The following MYO16 variants were observed in gnomAD, a reference collection of about 807,000 sequenced individuals.
MYO16 encodes myosin XVI.
In MYO16, 94 loss-of-function variants were observed where a neutral mutation model predicts 205.3. The ratio of observed to expected loss-of-function variants is 0.46; its 90% CI spans 0.39 to 0.54. MYO16 has a LOEUF of 0.54. Among genes scored for constraint, MYO16 ranks in the 20% least tolerant of loss-of-function variants. The probability of loss-of-function intolerance (pLI) is 0.00; values close to 1 mark genes in which losing one functional copy is unlikely to be tolerated. For synonymous variants in MYO16, 988 were observed against 954.0 expected, an observed-to-expected ratio of 1.04 and a Z score of -0.66; for missense variants, 2,315 against 2,387.5, an observed-to-expected ratio of 0.97 and a Z score of 0.63.
chr13:108,791,615 G>A (rs901895846), intron 5 of MYO16, among the ~76,000 whole-genome samples: 1 of 152,190 alleles, frequency 6.6e-6, no homozygotes, highest in African/African-American at 2.4e-5. Flanking sequence ...ACCCAAGCAG[G>A]TTGAGTCCAG....
At chr13:108,655,572 G>A (rs754241474) in intron 1 of MYO16, among the ~76,000 whole-genome samples, 1 of 152,160 alleles carries the variant, frequency 6.6e-6, no homozygotes, top group Admixed American at 6.5e-5. Flanking sequence ...TTTGGGAAGA[G>A]AGCCACCATC....
chr13:109,150,649 G>T (rs899325861), intron 32 of MYO16, among the ~76,000 whole-genome samples: 2 of 152,270 alleles, frequency 1.3e-5, no homozygotes, highest in South Asian at 2.1e-4. Context: ...TTACAACCGG[G>T]ATGCTCTATA....
At chr13:108,564,670 C>T in the MYO16 span, among the ~76,000 whole-genome samples, 2 of 152,058 alleles carry the variant, frequency 1.3e-5, no homozygotes, top group South Asian at 4.1e-4. Flanking sequence ...ATCCTATTTG[C>T]CCATTTTTGC....
At chr13:109,164,845 A>C (rs1439251856) in intron 32 of MYO16, 56 bp from the exon 33 acceptor site, 1 of 882,242 alleles carries the variant, frequency 1.1e-6, no homozygotes, top group Non-Finnish European at 1.6e-6. Context: ...TGTTTTATTC[A>C]GTATATTCAG....
the MYO16 span, among the ~76,000 whole-genome samples, chr13:108,499,028 A>G: frequency 1.3e-5 from 2 of 152,046 alleles, no homozygotes; most frequent in African/African-American, 4.8e-5. Flanking sequence ...ATTTAAGTCT[A>G]TTTTCATCTT....
In MYO16 at chr13:109,140,218, G is replaced by T. The variant is rs1594118232; in HGVS notation, c.4052-46G>T. On this transcript the variant is annotated intron_variant, in intron 31 of 34. Transcript: ENST00000457511. This position sits in a 1 kb window ranked among gnomAD's most constrained non-coding sequence, Gnocchi z 8.0. ...CGAGCCCCGGGCTTGGTGGGCACCC[G>T]TGGGCCTGGCCTGGCACCCACTGAC... The T allele has an allele frequency of 1.3e-6, 2 of 1,586,920 alleles. No homozygotes were observed. Among genetic ancestry groups the T allele is most frequent in the South Asian group, 1.1e-5 (1 of 90,206 alleles).
chr13:108,666,030 A>G lies in MYO16; in HGVS notation c.173A>G (p.Lys58Arg). Residue 58 changes from lysine to arginine, a missense_variant, in exon 2 of 35, where the codon AAG (lysine) becomes AGG (arginine). By Grantham distance (26) the Lys-to-Arg change is conservative (BLOSUM62 2). This residue lies in a region of MYO16 where 1,213 missense variants were observed against 1,274.4 expected (regional missense o/e 0.95). Transcript: ENST00000457511. The stretch of plus-strand genomic sequence containing the variant: ...ATCAAAGCCTACTATGAGCGCGAGA[A>G]GGCTTTTCAGAAGCAGGAAGGGTTC... ...EQIKAYYERE[K>R]AFQKQEGFLK... The G allele has an allele frequency of 6.2e-7, 1 of 1,614,176 alleles. No individual in the cohort carries two copies. Among genetic ancestry groups the G allele is most frequent in the African/African-American group, 1.3e-5 (1 of 75,054 alleles).
intron 31 of MYO16, among the ~76,000 whole-genome samples, chr13:109,129,513 T>A (rs745884658): frequency 3.3e-5 from 5 of 152,118 alleles, no homozygotes; most frequent in Non-Finnish European, 1.5e-5. Flanking sequence ...ACCAGCACCC[T>A]CCCTGAGAAA....
chr13:109,112,298 G>A (rs1056331491), intron 28 of MYO16, among the ~76,000 whole-genome samples: 1 of 152,124 alleles, frequency 6.6e-6, no homozygotes, highest in Non-Finnish European at 1.5e-5. Context: ...AGCAGATAAA[G>A]GAGAGATGAT....
upstream of MYO16, among the ~76,000 whole-genome samples, chr13:108,625,979 C>T (rs1437000785): frequency 2.0e-5 from 3 of 152,146 alleles, no homozygotes; most frequent in Non-Finnish European, 4.4e-5. Context: ...AGTATCTCAC[C>T]TGGGGCCTTT....
rs753518170 is a variant in MYO16, at chr13:108,844,327, AT to A, written c.1098-8del. 1.4e-5 allele frequency: 23 copies of A among 1,599,052 alleles called. No individual in the cohort carries two copies. Among genetic ancestry groups the A allele is most frequent in the South Asian group, 4.5e-5 (4 of 89,412 alleles). On this transcript the variant is annotated splice_polypyrimidine_tract_variant and intron_variant, in intron 9 of 34. Transcript: ENST00000457511. ...TAGAAAGAGACTAATTGTAGTATTG[AT>A]TTTTTTTCCTGTAGCAGTCCCCTGG...
intron 28 of MYO16, among the ~76,000 whole-genome samples, chr13:109,120,039 A>G (rs187300228): frequency 7.7e-4 from 118 of 152,326 alleles, no homozygotes; most frequent in Admixed American, 4.6e-4. Context: ...CTCTCTCTAG[A>G]ATGGGAGAAT....
intron 16 of MYO16, among the ~76,000 whole-genome samples, chr13:108,954,497 T>C (rs1883272341): frequency 1.3e-5 from 2 of 152,100 alleles, no homozygotes; most frequent in Non-Finnish European, 2.9e-5. Flanking sequence ...TTCCAGCACT[T>C]TGGGAGGCCA....
At chr13:108,871,230 G>A (rs552999348) in intron 12 of MYO16, among the ~76,000 whole-genome samples, 2 of 150,642 alleles carry the variant, frequency 1.3e-5, no homozygotes, top group African/African-American at 2.4e-5. Context: ...GAAATTCTTC[G>A]TCTTCATCAT....
the MYO16 span, among the ~76,000 whole-genome samples, chr13:108,510,614 C>A: frequency 1.8e-5 from 1 of 56,820 alleles, no homozygotes; most frequent in Non-Finnish European, 3.3e-5. Context: ...CCAATGCTAT[C>A]CCTCCCCCCT....
At chr13:108,582,262 A>C in the MYO16 span, among the ~76,000 whole-genome samples, 2 of 152,078 alleles carry the variant, frequency 1.3e-5, no homozygotes, top group Admixed American at 1.3e-4. Context: ...ATTGAGCTGG[A>C]TGTTGAAACA....
At chr13:109,120,597 A>G (rs1321687616) in intron 29 of MYO16, 131 bp downstream of exon 29, 6 of 585,376 alleles carry the variant, frequency 1.0e-5, no homozygotes, top group Admixed American at 3.7e-5. Context: ...CCTGGATGCT[A>G]TCTTCAGGCA....
upstream of MYO16, among the ~76,000 whole-genome samples, chr13:108,626,526 A>G (rs1241819224): frequency 1.3e-5 from 2 of 152,118 alleles, no homozygotes; most frequent in Non-Finnish European, 2.9e-5. Context: ...TATAAGATTT[A>G]GCCGGGCATG....
intron 16 of MYO16, among the ~76,000 whole-genome samples, chr13:108,945,188 G>A (rs187534317): frequency 3.4e-4 from 52 of 152,294 alleles, no homozygotes; most frequent in Non-Finnish European, 5.0e-4. Context: ...AACTGGAGCT[G>A]AAGCACATCA....
Sources: allele counts gnomAD v4.1 joint callset (sites outside exome capture counted in the v4.1 genomes callset), GRCh38; gene constraint gnomAD v4.1.1; regional missense constraint gnomAD v4.1.1; non-coding constraint Gnocchi (gnomAD v3.1); transcripts MANE v1.5; gene names NCBI Gene and HGNC (gene_info 2026-07-23, HGNC 2026-07-21).